The following KIAA1210 variants were observed in gnomAD, a reference collection of about 807,000 sequenced individuals.
The protein encoded by KIAA1210 is acrosomal protein KIAA1210.
In KIAA1210, 48 loss-of-function variants were observed where a neutral mutation model predicts 78.9. The observed-to-expected ratio is 0.61, with a 90% confidence interval of 0.48 to 0.77. The LOEUF (loss-of-function observed/expected upper bound fraction) is 0.77. Among genes scored for constraint, KIAA1210 ranks in the 30% least tolerant of loss-of-function variants. The pLI, the probability that KIAA1210 is intolerant of heterozygous loss-of-function variation, is 0.00. For missense variants in KIAA1210, 1,108 were observed against 1,100.0 expected (o/e 1.01, Z -0.10); for synonymous variants, 406 against 404.5 (o/e 1.00, Z -0.04).
In KIAA1210 at chrX:119,080,903, A is replaced by G. The variant is rs1428957076; in HGVS notation, c.*426T>C. Reference sequence around the variant, plus strand: ...GTTTGCTTAATACTTATTTTGCTTAATACAAGTGGTCACAGTAAAAAGATC... The same window carrying G: ...GTTTGCTTAATACTTATTTTGCTTAGTACAAGTGGTCACAGTAAAAAGATC... On this transcript the variant is annotated 3_prime_UTR_variant, in exon 12 of 12. Transcript: ENST00000691062. The G allele has an allele frequency of 8.8e-6, 1 of 113,828 alleles. No homozygotes were observed. The highest frequency in any genetic ancestry group is 1.8e-5 in the Non-Finnish European group (1 of 54,228). 9.4% of individuals were successfully genotyped at this position (113,828 alleles called of 1,213,427 possible).
chrX:119,095,878 A>G (rs1305820127), intron 7 of KIAA1210, among the ~76,000 whole-genome samples: 2 of 111,785 alleles, frequency 1.8e-5, no homozygotes, highest in African/African-American at 3.3e-5. Flanking sequence ...TTGAGCCCCT[A>G]TATTAAATGG....
upstream of KIAA1210, among the ~76,000 whole-genome samples, chrX:119,151,054 G>A (rs182478286): frequency 1.3e-4 from 15 of 112,823 alleles, no homozygotes; most frequent in East Asian, 4.2e-3. Context: ...CATGCCCTTA[G>A]AGGCTGCCAC....
chrX:119,085,262 T>C, intron 10 of KIAA1210, 121 bp downstream of exon 10: 2 of 653,762 alleles, frequency 3.1e-6, no homozygotes, highest in Admixed American at 6.1e-5. Context: ...AGAGTCCTCC[T>C]GCCTTGATTA....
At chrX:119,116,336 C>T (rs1318017244) in intron 3 of KIAA1210, among the ~76,000 whole-genome samples, 160 bp downstream of exon 3, 1 of 111,934 alleles carries the variant, frequency 8.9e-6, no homozygotes, top group South Asian at 3.8e-4. Context: ...AGCACCACCC[C>T]CCTCCCCCGG....
Position 119,088,467 on chromosome X carries a change from A to G in KIAA1210, c.2235T>C (p.Pro745=). ...TGGTGGGGACTTGTTGCTGAACAGTAGGATTCATAATGGGCTGAGAAGGGC... is the reference window on the plus strand; with the variant it reads ...TGGTGGGGACTTGTTGCTGAACAGTGGGATTCATAATGGGCTGAGAAGGGC... ...SRCPSQPIMN[P]TVQQQVPTSS... is the part of the protein sequence containing the mutation. Residue 745 remains proline (P), a synonymous_variant, in exon 9 of 12, where the codon CCT becomes CCC. Transcript: ENST00000691062. 5.8e-6 allele frequency: 7 copies of G among 1,211,240 alleles called. No individual in the cohort carries two copies. The highest frequency in any genetic ancestry group is 7.8e-6 in the Non-Finnish European group (7 of 895,200).
intron 2 of KIAA1210, among the ~76,000 whole-genome samples, chrX:119,137,458 T>C (rs1928940090): frequency 8.9e-6 from 1 of 112,727 alleles, no homozygotes; most frequent in Non-Finnish European, 1.9e-5. Context: ...CAAAAAGTTG[T>C]CCTTGCAGCC....
chrX:119,150,550 G>A (rs1325365612), exon 1 of KIAA1210: 1 of 1,207,597 alleles, frequency 8.3e-7, no homozygotes, highest in Non-Finnish European at 1.1e-6. Flanking sequence ...GAAAGGCAGA[G>A]AAGCCTCGAG....
chrX:119,133,123 A>C (rs1350610908), intron 2 of KIAA1210, among the ~76,000 whole-genome samples: 1 of 111,535 alleles, frequency 9.0e-6, no homozygotes, highest in African/African-American at 3.3e-5. Flanking sequence ...GAACCACCCA[A>C]AATGAAAGTA....
chrX:119,127,434 T>A (rs772825340), intron 1 of KIAA1210, among the ~76,000 whole-genome samples: 1 of 111,388 alleles, frequency 9.0e-6, no homozygotes, highest in South Asian at 3.9e-4. Context: ...ACTAATAGAA[T>A]CATTGCATTT....
chrX:119,103,484 T>C (rs1262827997), intron 6 of KIAA1210, among the ~76,000 whole-genome samples: 2 of 111,735 alleles, frequency 1.8e-5, no homozygotes, highest in Admixed American at 1.9e-4. Context: ...CCCTCATACA[T>C]TGCTAGTGGG....
At chrX:119,131,945 A>C (rs887545621), upstream of KIAA1210, among the ~76,000 whole-genome samples, 1 of 112,061 alleles carries the variant, frequency 8.9e-6, no homozygotes, top group Non-Finnish European at 1.9e-5. Flanking sequence ...ATGGTGGTGC[A>C]CACCTGTAGT....
intron 6 of KIAA1210, among the ~76,000 whole-genome samples, chrX:119,097,703 T>C (rs953874395): frequency 5.4e-5 from 6 of 112,063 alleles, no homozygotes; most frequent in African/African-American, 9.7e-5. Flanking sequence ...CCTTAGCTAC[T>C]ATCTTGGTTA....
chrX:119,150,598 C>G (rs748710925), upstream of KIAA1210: 1 of 1,186,350 alleles, frequency 8.4e-7, no homozygotes, highest in Non-Finnish European at 1.1e-6. Context: ...GTAGAGTTGA[C>G]CTGTCTCTGT....
At chrX:119,127,591 T>C (rs1302388717) in intron 1 of KIAA1210, among the ~76,000 whole-genome samples, 136 bp downstream of exon 1, 2 of 111,559 alleles carry the variant, frequency 1.8e-5, no homozygotes, top group African/African-American at 6.5e-5. Flanking sequence ...CATGTGGAAC[T>C]GTCTCCTCTC....
In KIAA1210 at chrX:119,088,605, G is replaced by A; in HGVS notation, c.2097C>T (p.Leu699=). 8.3e-7 allele frequency: 1 copy of A among 1,211,554 alleles called. No homozygotes were observed. Among genetic ancestry groups the A allele is most frequent in the Non-Finnish European group, 1.1e-6 (1 of 895,320 alleles). ...TTCCCAAGGCCTGAGCAGGGTGTCTGAGAGGCAGGTCTTCCTCTGAGCTGC... is the reference window on the plus strand; with the variant it reads ...TTCCCAAGGCCTGAGCAGGGTGTCTAAGAGGCAGGTCTTCCTCTGAGCTGC... ...DCSSSEEDLP[L]RHPAQALGKP... is the part of the protein sequence containing the mutation. Residue 699 remains leucine (L), a synonymous_variant, in exon 9 of 12, where the codon CTC becomes CTT. Transcript: ENST00000691062.
intron 2 of KIAA1210, among the ~76,000 whole-genome samples, chrX:119,122,728 T>C (rs1409734400): frequency 2.7e-5 from 3 of 111,788 alleles, no homozygotes; most frequent in Non-Finnish European, 5.6e-5. Context: ...TGTCTCTCTC[T>C]CTCTCTGAGA....
rs199797362 is a variant in KIAA1210, at chrX:119,088,270, C to T, written c.2432G>A (p.Cys811Tyr). ...SMKPLPPKLL[C>Y]QPLMNPKVQQ... ...AACTTTAGGATTCATCAAGGGCTGG[C>T]AAAGAAGTTTAGGAGGCAGAGGCTT... The change falls in exon 9 of 12, where the codon TGC becomes TAC. Residue 811 changes from cysteine (C) to tyrosine (Y), a missense_variant. Around this residue, in one of 5 missense-constraint regions of KIAA1210, gnomAD observed 672 missense variants for 607.1 expected, o/e 1.11. Coordinates refer to ENST00000691062, the MANE Select transcript of KIAA1210 (RefSeq NM_001394962.1). 3.1e-4 allele frequency: 379 copies of T among 1,209,679 alleles called. No individual in the cohort carries two copies. The highest frequency in any genetic ancestry group is 4.0e-4 in the Non-Finnish European group (356 of 895,038).
In KIAA1210 at chrX:119,088,352, C is replaced by T; in HGVS notation, c.2350G>A (p.Glu784Lys). Residue 784 changes from glutamate (E) to lysine (K), a missense_variant, in exon 9 of 12, where the codon GAG (glutamate) becomes AAG (lysine). Coordinates refer to ENST00000691062, the MANE Select transcript of KIAA1210 (RefSeq NM_001394962.1). ...PFQPWVNPKV[E>K]QEVSSSPKSM... Reference sequence around the variant, plus strand: ...TTTGGAGATGAGGAAACTTCTTGCTCCACTTTAGGGTTCACCCATGGCTGG... The same window carrying T: ...TTTGGAGATGAGGAAACTTCTTGCTTCACTTTAGGGTTCACCCATGGCTGG... 8.3e-7 allele frequency: 1 copy of T among 1,210,657 alleles called. No homozygotes were observed. Among genetic ancestry groups the T allele is most frequent in the Non-Finnish European group, 1.1e-6 (1 of 895,090 alleles).
At chrX:119,104,602 G>A (rs1007651584) in intron 6 of KIAA1210, among the ~76,000 whole-genome samples, 2 of 111,369 alleles carry the variant, frequency 1.8e-5, no homozygotes, top group Non-Finnish European at 3.8e-5. Flanking sequence ...TAGACACATC[G>A]CCCTCTCACG....
Sources: gnomAD v4.1 joint callset for allele counts (sites outside exome capture counted in the v4.1 genomes callset) on GRCh38, gnomAD v4.1.1 for gene constraint, gnomAD v4.1.1 regional missense constraint, MANE v1.5 for transcripts, NCBI Gene and HGNC (gene_info 2026-07-23, HGNC 2026-07-21) for gene names.